Variants in CCDC171 observed in about 807,000 individuals in gnomAD.
CCDC171 encodes coiled-coil domain-containing protein 171.
Under a neutral mutation model 168.2 loss-of-function variants are expected in CCDC171, and 177 were observed. The ratio of observed to expected loss-of-function variants is 1.05; its 90% confidence interval spans 0.93 to 1.19. The LOEUF (loss-of-function observed/expected upper bound fraction) is 1.19, where lower values mean the gene tolerates loss of function less well. Ranked by LOEUF, CCDC171 falls within the 50% of genes most tolerant of loss-of-function variation. The pLI is 0.00. For synonymous variants in CCDC171, 687 were observed against 540.8 expected, an observed-to-expected ratio of 1.27 and a Z score of -3.75; for missense variants, 1,991 against 1,539.0, an observed-to-expected ratio of 1.29 and a Z score of -4.91.
At chr9:15,663,569 A>G (rs972963416) in intron 8 of CCDC171, among the ~76,000 whole-genome samples, 2 of 151,538 alleles carry the variant, frequency 1.3e-5, no homozygotes, top group African/African-American at 4.8e-5. Context: ...GTTCTTGAAC[A>G]CTATGTGGAG....
the CCDC171 span, among the ~76,000 whole-genome samples, chr9:16,084,696 A>C: frequency 6.6e-6 from 1 of 152,192 alleles, no homozygotes; most frequent in African/African-American, 2.4e-5. Context: ...CCCAGGAAGC[A>C]GGCCTGAGAT....
chr9:16,099,024 G>T, the CCDC171 span, among the ~76,000 whole-genome samples: 12 of 152,274 alleles, frequency 7.9e-5, no homozygotes, highest in African/African-American at 2.9e-4. Context: ...TTTGGGGGAA[G>T]ATTTTTAATA....
intron 4 of CCDC171, chr9:16,020,863 T>C (rs1006840579): frequency 5.3e-5 from 8 of 152,314 alleles, no homozygotes; most frequent in African/African-American, 1.9e-4. Flanking sequence ...GGACTGTGGA[T>C]GACCACCAGT....
At chr9:15,569,253 A>G (rs1463419350) in intron 2 of CCDC171, among the ~76,000 whole-genome samples, 181 of 152,274 alleles carry the variant, frequency 1.2e-3, no homozygotes, top group Non-Finnish European at 2.9e-5. Context: ...TGCAGTGGTT[A>G]AGAGGATATA....
intron 1 of CCDC171, among the ~76,000 whole-genome samples, chr9:16,060,180 A>T (rs1418950816): frequency 6.6e-6 from 1 of 152,176 alleles, no homozygotes; most frequent in African/African-American, 2.4e-5. Flanking sequence ...CTGCACTCAG[A>T]TGGCAATTCA....
rs1375281511 is a variant in CCDC171 at position 15,819,548 on chromosome 9, G to C, written c.3268-27154G>C. Among the ~76,000 whole-genome samples, 2 of 115,346 alleles carry C rather than the reference G, an allele frequency of 1.7e-5. 1 individual carries two copies. Among genetic ancestry groups the C allele is most frequent in the South Asian group, 5.7e-4 (2 of 3,524 alleles). 75.7% of individuals were successfully genotyped at this position (115,346 alleles called of 152,430 possible). Reference sequence around the variant, plus strand: ...AGGCAGGGGTTGCCATCCTAATCTCGGATAAAACACACTTTAAACCAACAA... The same window carrying C: ...AGGCAGGGGTTGCCATCCTAATCTCCGATAAAACACACTTTAAACCAACAA... On this transcript the variant is annotated intron_variant, in intron 21 of 25. Transcript: ENST00000380701.
chr9:15,569,816 A>G (rs1355417693), intron 2 of CCDC171, among the ~76,000 whole-genome samples: 3 of 121,518 alleles, frequency 2.5e-5, no homozygotes, highest in Non-Finnish European at 3.5e-5. Flanking sequence ...CTCCGTCTCA[A>G]AAAAAAACAA....
chr9:15,630,753 T>C (rs989164538), intron 7 of CCDC171, among the ~76,000 whole-genome samples: 19 of 152,098 alleles, frequency 1.2e-4, no homozygotes, highest in South Asian at 6.2e-4. Context: ...TACTCCAAAA[T>C]TGACCACATA....
intron 8 of CCDC171, among the ~76,000 whole-genome samples, chr9:15,662,948 T>C (rs2048431516): frequency 6.6e-6 from 1 of 151,908 alleles, no homozygotes; most frequent in African/African-American, 2.4e-5. Context: ...ACCACTACAC[T>C]CCAGCCTGGG....
chr9:15,739,964 C>G (rs2054748480), intron 16 of CCDC171, among the ~76,000 whole-genome samples: 1 of 152,054 alleles, frequency 6.6e-6, no homozygotes, highest in South Asian at 2.1e-4. Flanking sequence ...GTCTCGATCT[C>G]CTGGTCTTGT....
chr9:15,562,629 CT>C (rs2039402633), intron 1 of CCDC171, among the ~76,000 whole-genome samples: 1 of 152,136 alleles, frequency 6.6e-6, no homozygotes, highest in African/African-American at 2.4e-5. Context: ...GATTAAGGCC[CT>C]AACTATCTGA....
At chr9:16,025,507 G>T (rs916432372) in intron 6 of CCDC171, among the ~76,000 whole-genome samples, 13 of 152,056 alleles carry the variant, frequency 8.5e-5, no homozygotes, top group African/African-American at 2.7e-4. Context: ...ATTGATAGTG[G>T]CACTATTCAC....
chr9:15,615,058 C>G (rs1359588995), intron 6 of CCDC171, among the ~76,000 whole-genome samples: 5 of 151,820 alleles, frequency 3.3e-5, no homozygotes, highest in Admixed American at 3.3e-4. Flanking sequence ...ACCAAACTGA[C>G]AAGGATAGAA....
chr9:15,779,892 G>T (rs1021214889), intron 20 of CCDC171, among the ~76,000 whole-genome samples: 3 of 152,176 alleles, frequency 2.0e-5, no homozygotes, highest in African/African-American at 7.2e-5. Flanking sequence ...CACATATTCT[G>T]TTTGCAGTTG....
chr9:15,613,668 A>C (rs557286818), intron 6 of CCDC171, among the ~76,000 whole-genome samples: 2 of 151,920 alleles, frequency 1.3e-5, no homozygotes, highest in Admixed American at 1.3e-4. Flanking sequence ...GATTACAGGC[A>C]TGCGCCACCA....
intron 21 of CCDC171, among the ~76,000 whole-genome samples, chr9:15,786,853 G>C (rs1049005740): frequency 6.6e-6 from 1 of 151,978 alleles, no homozygotes; most frequent in African/African-American, 2.4e-5. Flanking sequence ...TGCACCTTTT[G>C]ACCCCTCCCC....
intron 11 of CCDC171, among the ~76,000 whole-genome samples, chr9:15,706,244 G>GCTTCCTTC (rs535186319): frequency 1.8e-4 from 14 of 77,208 alleles, no homozygotes; most frequent in African/African-American, 4.1e-4. Context: ...TTCCTTCCTT[G>GCTTCCTTC]CTTCCTTCCT....
chr9:16,065,145 C>G (rs997979923), downstream of CCDC171, among the ~76,000 whole-genome samples: 1 of 152,190 alleles, frequency 6.6e-6, no homozygotes, highest in East Asian at 1.9e-4. Flanking sequence ...TTCCCATAGC[C>G]ACTTACCAAA....
chr9:16,025,472 CAAA>C, intron 6 of CCDC171, among the ~76,000 whole-genome samples: 1 of 151,940 alleles, frequency 6.6e-6, no homozygotes, highest in African/African-American at 2.4e-5. Context: ...AACAAACAAA[CAAA>C]CAAAAAAACT....
Sources: allele counts gnomAD v4.1 joint callset (sites outside exome capture counted in the v4.1 genomes callset), GRCh38; gene constraint gnomAD v4.1.1; transcripts MANE v1.5; gene names NCBI Gene and HGNC (gene_info 2026-07-23, HGNC 2026-07-21).